The following ADAMTSL3 variants were observed in gnomAD, a reference collection of about 807,000 sequenced individuals.
ADAMTSL3 encodes the protein ADAMTS-like protein 3.
In ADAMTSL3, 128 loss-of-function variants were observed where a neutral mutation model predicts 201.7. That is an observed-to-expected ratio of 0.63 (90% CI 0.55 to 0.73). ADAMTSL3 has a LOEUF of 0.73. Among genes scored for constraint, ADAMTSL3 ranks in the 30% least tolerant of loss-of-function variants. The pLI, the probability that ADAMTSL3 is intolerant of heterozygous loss-of-function variation, is 0.00. For synonymous variants in ADAMTSL3, 738 were observed against 748.4 expected (o/e 0.99, Z 0.23); for missense variants, 1,990 against 2,119.6 (o/e 0.94, Z 1.20).
At chr15:83,783,929 C>T (rs950744251) in intron 4 of ADAMTSL3, among the ~76,000 whole-genome samples, 1 of 151,778 alleles carries the variant, frequency 6.6e-6, no homozygotes, top group Admixed American at 6.6e-5. Context: ...GATCAAGTCC[C>T]TTGCAAATTC....
chr15:84,025,249 G>C lies in ADAMTSL3; in HGVS notation c.4469G>C (p.Ser1490Thr). 6.2e-7 allele frequency: 1 copy of C among 1,605,818 alleles called. No homozygotes were observed. Among genetic ancestry groups the C allele is most frequent in the Non-Finnish European group, 8.5e-7 (1 of 1,176,512 alleles). ...IRDCPARWFT[S>T]VWSQCSVSCG... ...GTTTTTGTTCCTAGGTGGTTCACAA[G>C]TGTGTGGTCACAGTGCTCTGTGTCT... is the stretch of plus-strand genomic sequence containing the variant. Residue 1490 changes from serine (S) to threonine (T), a missense_variant, in exon 27 of 30, where the codon AGT becomes ACT. Ser to Thr is a moderately conservative substitution (Grantham distance 58). Coordinates refer to ENST00000286744, the MANE Select transcript of ADAMTSL3 (RefSeq NM_207517.3).
At chr15:83,890,289 C>G (rs750642781) in intron 11 of ADAMTSL3, 42 bp downstream of exon 11, 2 of 1,603,624 alleles carry the variant, frequency 1.2e-6, no homozygotes, top group Non-Finnish European at 8.5e-7. Context: ...CAAAAAGAAA[C>G]AAATCAGCTT....
At chr15:83,700,575 C>G (rs1463758683) in intron 2 of ADAMTSL3, among the ~76,000 whole-genome samples, 3 of 152,112 alleles carry the variant, frequency 2.0e-5, no homozygotes, top group Admixed American at 6.5e-5. Flanking sequence ...ACCAGCCTGG[C>G]CAACATGGTG....
intron 13 of ADAMTSL3, among the ~76,000 whole-genome samples, chr15:83,895,810 G>A (rs2065601359): frequency 6.6e-6 from 1 of 151,916 alleles, no homozygotes; most frequent in Admixed American, 6.6e-5. Flanking sequence ...AAATTTGGGG[G>A]TAGGTGAGTC....
chr15:83,838,719 T>C (rs1469325564), intron 7 of ADAMTSL3, among the ~76,000 whole-genome samples: 2 of 152,242 alleles, frequency 1.3e-5, no homozygotes, highest in Admixed American at 6.5e-5. Flanking sequence ...AGTTTGTTAA[T>C]TGACTTTCAA....
rs934692014 is a variant in ADAMTSL3, at chr15:83,978,356, A to G, written c.2645-3917A>G. On this transcript the variant is annotated intron_variant, in intron 20 of 29. Coordinates refer to ENST00000286744, the MANE Select transcript of ADAMTSL3 (RefSeq NM_207517.3). ...CAGAAGAAAGCTCATTTCATTTTCT[A>G]GAATGTGGCATTTCTCACATTTAGC... Among the ~76,000 whole-genome samples, 3 of 152,110 alleles carry G rather than the reference A, an allele frequency of 2.0e-5. No homozygotes were observed. The East Asian group carries it at 5.8e-4, about 29-fold the overall frequency.
intron 2 of ADAMTSL3, among the ~76,000 whole-genome samples, chr15:83,689,905 C>T (rs2061589193): frequency 6.6e-6 from 1 of 151,746 alleles, no homozygotes; most frequent in South Asian, 2.1e-4. Flanking sequence ...CCTGTAAAAC[C>T]TTGTGGTTGT....
At chr15:83,862,038 T>C (rs2064874278) in intron 8 of ADAMTSL3, 1 of 151,790 alleles carries the variant, frequency 6.6e-6, no homozygotes. Flanking sequence ...ATCAAATGAA[T>C]GAAATGAAGC....
rs564668353 is a variant in ADAMTSL3 at position 83,929,391 on chromosome 15, C to T, written c.2117+5358C>T. On this transcript the variant is annotated intron_variant, in intron 17 of 29. Coordinates refer to ENST00000286744, the MANE Select transcript of ADAMTSL3 (RefSeq NM_207517.3). ...GCAGGTAACCTCTGGCATTCTTTGG[C>T]TTGTGAATGGCATTGTCCCTGTGAT... Among the ~76,000 whole-genome samples the T allele has an allele frequency of 5.3e-5, 8 of 152,238 alleles. 1 individual carries two copies. In the South Asian group the frequency reaches 1.5e-3, roughly 28 times the overall value.
At chr15:83,852,930 C>T (rs1285611144) in intron 7 of ADAMTSL3, among the ~76,000 whole-genome samples, 1 of 152,128 alleles carries the variant, frequency 6.6e-6, no homozygotes, top group Non-Finnish European at 1.5e-5. Context: ...GATCTTGGCT[C>T]ACTGCAACCT....
intron 23 of ADAMTSL3, among the ~76,000 whole-genome samples, chr15:83,999,965 T>C (rs2067762287): frequency 6.6e-6 from 1 of 152,152 alleles, no homozygotes; most frequent in Admixed American, 6.5e-5. Context: ...GCTCTGACAA[T>C]TATTTTCCCC....
chr15:83,866,968 T>C (rs1447983043), intron 8 of ADAMTSL3, among the ~76,000 whole-genome samples: 2 of 152,202 alleles, frequency 1.3e-5, no homozygotes, highest in African/African-American at 2.4e-5. Context: ...AGTAGAAGTA[T>C]TTCTGAAAGT....
At chr15:83,948,263 C>T (rs1235183477) in intron 19 of ADAMTSL3, among the ~76,000 whole-genome samples, 1 of 152,128 alleles carries the variant, frequency 6.6e-6, no homozygotes, top group East Asian at 1.9e-4. Context: ...CTCATCCCAA[C>T]TTGTGCTCAG....
chr15:83,688,715 A>G (rs1459810071), intron 2 of ADAMTSL3, among the ~76,000 whole-genome samples: 1 of 150,682 alleles, frequency 6.6e-6, no homozygotes, highest in Non-Finnish European at 1.5e-5. Flanking sequence ...CATTGATACA[A>G]AAAAAACTAT....
At chr15:83,823,910 C>A (rs1472077830) in intron 6 of ADAMTSL3, among the ~76,000 whole-genome samples, 1 of 61,468 alleles carries the variant, frequency 1.6e-5, no homozygotes, top group Non-Finnish European at 3.9e-5. Flanking sequence ...TCTTCTTCTT[C>A]TTCTTCTTCT....
Position 84,025,446 on chromosome 15 carries a change from A to G in ADAMTSL3, c.4656+10A>G, listed in dbSNP as rs1258095214. 8 of 1,612,658 alleles carry G rather than the reference A, an allele frequency of 5.0e-6. No individual in the cohort carries two copies. The highest frequency in any genetic ancestry group is 6.8e-6 in the Non-Finnish European group (8 of 1,179,252). ...GGAACCAGGGAACCGGGTAAAGCTA[A>G]CACATCTAGTTTGTGGACAGCACTA... is the stretch of plus-strand genomic sequence containing the variant. On this transcript the variant is annotated intron_variant, in intron 27 of 29. Transcript: ENST00000286744.
At chr15:83,795,755 G>A (rs982332558) in intron 4 of ADAMTSL3, among the ~76,000 whole-genome samples, 8 of 152,158 alleles carry the variant, frequency 5.3e-5, no homozygotes, top group Middle Eastern at 3.4e-3. Flanking sequence ...AAACATTTAC[G>A]TGGGAAATTA....
chr15:83,746,105 T>C (rs1354535787), intron 3 of ADAMTSL3, among the ~76,000 whole-genome samples: 3 of 152,026 alleles, frequency 2.0e-5, no homozygotes, highest in Admixed American at 6.5e-5. Context: ...GTTCCTCTTA[T>C]GGTTGCAAAA....
rs372424946 is a variant in ADAMTSL3, at chr15:83,934,885, GT to G, written c.2118-7710del. 7.9e-5 allele frequency among the ~76,000 whole-genome samples: 12 copies of G among 152,300 alleles called. No homozygotes were observed. In the East Asian group the frequency reaches 2.3e-3, roughly 29 times the overall value. ...CAGCCATAAAAAAGAATGAAATCTT[GT>G]CTTTTGCAGCAACATGGATGCAACT... On this transcript the variant is annotated intron_variant, in intron 17 of 29. Coordinates refer to ENST00000286744, the MANE Select transcript of ADAMTSL3 (RefSeq NM_207517.3).
Sources: allele counts gnomAD v4.1 joint callset (sites outside exome capture counted in the v4.1 genomes callset), GRCh38; gene constraint gnomAD v4.1.1; transcripts MANE v1.5; gene names NCBI Gene and HGNC (gene_info 2026-07-23, HGNC 2026-07-21).